PCSK2: variants seen among roughly 807,000 people sequenced by gnomAD.
The protein encoded by PCSK2 is proprotein convertase subtilisin/kexin type 2.
In PCSK2, 14 loss-of-function variants were observed where a neutral mutation model predicts 69.7. The observed-to-expected ratio is 0.20, with a 90% CI of 0.13 to 0.31. The LOEUF (loss-of-function observed/expected upper bound fraction) is 0.31. Ranked by LOEUF, PCSK2 falls within the 10% of genes least tolerant of loss-of-function variation. PCSK2 has a pLI of 1.00. For synonymous variants in PCSK2, 307 were observed against 320.7 expected, an observed-to-expected ratio of 0.96 and a Z score of 0.46; for missense variants, 544 against 842.5, an observed-to-expected ratio of 0.65 and a Z score of 4.39.
Position 17,481,746 on chromosome 20 carries a change from C to A in PCSK2, c.1593C>A (p.Thr531=), listed in dbSNP as rs1267608798. ...LNINMTSPMG[T]KSILLSRRPR... Reference sequence around the variant, plus strand: ...TCAACATGACTTCCCCTATGGGCACCAAGTCCATTTTGCTGAGCCGGCGTC... The same window carrying A: ...TCAACATGACTTCCCCTATGGGCACAAAGTCCATTTTGCTGAGCCGGCGTC... Residue 531 remains threonine, a synonymous_variant, in exon 12 of 12, where the codon ACC becomes ACA. Transcript: ENST00000262545. The A allele has an allele frequency of 1.9e-6, 3 of 1,614,090 alleles. No individual in the cohort carries two copies. The highest frequency in any genetic ancestry group is 2.5e-6 in the Non-Finnish European group (3 of 1,180,002).
rs1486377835 is a variant in PCSK2 at position 17,400,725 on chromosome 20, A to G, written c.544-8538A>G. Among the ~76,000 whole-genome samples, 6 of 152,234 alleles carry G rather than the reference A, an allele frequency of 3.9e-5. No homozygotes were observed. The East Asian group carries it at 1.2e-3, about 29-fold the overall frequency. Reference sequence around the variant, plus strand: ...TTCTCAGAACTACTCTATACTTACCATCAAGTCCATCCCTCTCTTCTGTGC... The same window carrying G: ...TTCTCAGAACTACTCTATACTTACCGTCAAGTCCATCCCTCTCTTCTGTGC... On this transcript the variant is annotated intron_variant, in intron 5 of 11. Transcript: ENST00000262545.
At chr20:17,445,297 G>A (rs1419472127) in intron 8 of PCSK2, among the ~76,000 whole-genome samples, 1 of 152,218 alleles carries the variant, frequency 6.6e-6, no homozygotes, top group Non-Finnish European at 1.5e-5. Flanking sequence ...ACAACTTGAG[G>A]AAATGCAGCC....
chr20:17,229,062 C>T (rs1986047017), intron 1 of PCSK2, among the ~76,000 whole-genome samples: 1 of 152,024 alleles, frequency 6.6e-6, no homozygotes, highest in African/African-American at 2.4e-5. Context: ...AGACCCAGGA[C>T]CCAAACGCCA....
intron 5 of PCSK2, among the ~76,000 whole-genome samples, chr20:17,374,644 C>T (rs1432865441): frequency 2.0e-5 from 3 of 152,018 alleles, no homozygotes; most frequent in Non-Finnish European, 2.9e-5. Flanking sequence ...GAAATTGATG[C>T]CAGAAAGGGA....
intron 11 of PCSK2, among the ~76,000 whole-genome samples, chr20:17,466,465 G>A (rs2033103614): frequency 6.6e-6 from 1 of 152,076 alleles, no homozygotes; most frequent in African/African-American, 2.4e-5. Context: ...ATTTTCCGCT[G>A]AGTGAGGTGG....
chr20:17,300,513 G>A (rs1989045012), intron 2 of PCSK2, among the ~76,000 whole-genome samples: 1 of 152,208 alleles, frequency 6.6e-6, no homozygotes, highest in South Asian at 2.1e-4. Flanking sequence ...CCCAAGTATA[G>A]GTTTCAGTTT....
At chr20:17,243,857 A>G (rs1317026646) in intron 1 of PCSK2, among the ~76,000 whole-genome samples, 2 of 151,880 alleles carry the variant, frequency 1.3e-5, no homozygotes, top group Non-Finnish European at 3.0e-5. Flanking sequence ...TTAACGTCAT[A>G]AAAGAAAGAC....
intron 1 of PCSK2, among the ~76,000 whole-genome samples, chr20:17,236,518 C>T (rs1986344637): frequency 6.6e-6 from 1 of 152,116 alleles, no homozygotes; most frequent in African/African-American, 2.4e-5. Context: ...TTCCCTACTT[C>T]CACATTCCAA....
chr20:17,443,289 C>T (rs997208483), intron 8 of PCSK2, among the ~76,000 whole-genome samples: 21 of 152,204 alleles, frequency 1.4e-4, no homozygotes, highest in Non-Finnish European at 4.4e-5. Context: ...AGGAGCCTGA[C>T]ATTTGAGTGA....
chr20:17,465,123 CAAG>C (rs527534047), intron 10 of PCSK2, 200 bp from the exon 11 acceptor site: 94 of 592,144 alleles, frequency 1.6e-4, no homozygotes, highest in African/African-American at 1.3e-3. Context: ...GTAAGAAAAG[CAAG>C]AAGATTTCTT....
chr20:17,261,108 ATTT>A (rs1987366293), intron 2 of PCSK2, among the ~76,000 whole-genome samples: 1 of 151,926 alleles, frequency 6.6e-6, no homozygotes, highest in South Asian at 2.1e-4. Flanking sequence ...TAGTAATCAT[ATTT>A]TCCACCATCC....
intron 5 of PCSK2, among the ~76,000 whole-genome samples, chr20:17,393,873 T>G (rs1449141975): frequency 1.3e-5 from 2 of 152,354 alleles, no homozygotes; most frequent in Admixed American, 6.5e-5. Context: ...AAAGGAGGCT[T>G]GAAATATCAA....
chr20:17,282,973 G>A (rs1156632348), intron 2 of PCSK2, among the ~76,000 whole-genome samples: 1 of 152,122 alleles, frequency 6.6e-6, no homozygotes, highest in Non-Finnish European at 1.5e-5. Flanking sequence ...TATAAAGAAT[G>A]GTTAGGATTG....
rs79790325 is a variant in PCSK2 at position 17,340,643 on chromosome 20, A to G, written c.283-17684A>G. Among the ~76,000 whole-genome samples the G allele has an allele frequency of 6.5e-3, 985 of 152,214 alleles. 13 individuals are homozygous for G. Among genetic ancestry groups the G allele is most frequent in the African/African-American group, 0.021 (878 of 41,528 alleles). ...GGATTTGGGCTCCTATTTTGTTACA[A>G]TCTTGATGTACATCCTAATTAATAC... On this transcript the variant is annotated intron_variant, in intron 2 of 11. Coordinates refer to ENST00000262545, the MANE Select transcript of PCSK2 (RefSeq NM_002594.5).
intron 6 of PCSK2, among the ~76,000 whole-genome samples, chr20:17,424,387 T>C (rs888219492): frequency 3.3e-5 from 5 of 152,162 alleles, no homozygotes; most frequent in Admixed American, 2.0e-4. Flanking sequence ...AACAGCAAAT[T>C]TAGTACACTT....
At chr20:17,241,831 T>C (rs1184517894) in intron 1 of PCSK2, among the ~76,000 whole-genome samples, 1 of 152,208 alleles carries the variant, frequency 6.6e-6, no homozygotes, top group Admixed American at 6.5e-5. Context: ...AGAACAGTGG[T>C]GTATCACCAT....
In PCSK2 at chr20:17,481,984, T is replaced by C. The variant is rs368277438; in HGVS notation, c.1831T>C (p.Leu611=). 1.1e-5 allele frequency: 17 copies of C among 1,612,768 alleles called. No individual in the cohort carries two copies. The African/African-American group carries it at 2.0e-4, about 19-fold the overall frequency. The part of the protein sequence containing the change: ...DQVVRDYQSK[L]AMSKKEELEE... ...GGTGGTGCGGGATTACCAGTCCAAGTTGGCCATGTCCAAGAAAGAGGAGCT... is the reference window on the plus strand; with the variant it reads ...GGTGGTGCGGGATTACCAGTCCAAGCTGGCCATGTCCAAGAAAGAGGAGCT... The change falls in exon 12 of 12, where the codon TTG becomes CTG. Residue 611 remains leucine, a synonymous_variant. Transcript: ENST00000262545.
chr20:17,378,732 G>A (rs1332848745), intron 5 of PCSK2, among the ~76,000 whole-genome samples: 21 of 152,048 alleles, frequency 1.4e-4, no homozygotes, highest in Non-Finnish European at 2.9e-5. Context: ...ATGAAAAGAT[G>A]GGAGGATGCT....
chr20:17,389,089 T>A (rs2031308527), intron 5 of PCSK2, among the ~76,000 whole-genome samples: 1 of 151,868 alleles, frequency 6.6e-6, no homozygotes, highest in Non-Finnish European at 1.5e-5. Context: ...GTGCTTTTAT[T>A]TATTTAATCA....
Sources: allele counts gnomAD v4.1 joint callset (sites outside exome capture counted in the v4.1 genomes callset), GRCh38; gene constraint gnomAD v4.1.1; transcripts MANE v1.5; gene names NCBI Gene and HGNC (gene_info 2026-07-23, HGNC 2026-07-21).